Variants in ADK observed in about 807,000 individuals in gnomAD.
ADK encodes adenosine kinase, also known as N6,N6-dimethyladenosine kinase.
In ADK, 24 loss-of-function variants were observed where a neutral mutation model predicts 44.7. That is an observed-to-expected ratio of 0.54 (90% CI 0.39 to 0.76). The LOEUF (loss-of-function observed/expected upper bound fraction) is 0.76. Among genes scored for constraint, ADK ranks in the 30% least tolerant of loss-of-function variants. The pLI is 0.00. For synonymous variants in ADK, 128 were observed against 142.6 expected (o/e 0.90, Z 0.73); for missense variants, 321 against 425.1 (o/e 0.76, Z 2.15).
chr10:74,370,222 T>G (rs1214648857), intron 4 of ADK, among the ~76,000 whole-genome samples: 1 of 152,196 alleles, frequency 6.6e-6, no homozygotes, highest in Admixed American at 6.5e-5. Flanking sequence ...ACTTAAACAA[T>G]TGTACACCTT....
chr10:74,368,964 A>G (rs1454892610), intron 4 of ADK, among the ~76,000 whole-genome samples: 1 of 152,190 alleles, frequency 6.6e-6, no homozygotes, highest in Non-Finnish European at 1.5e-5. Context: ...ATCATACAGT[A>G]TATTGGGCTA....
chr10:74,294,994 T>A (rs1374619928), intron 3 of ADK, among the ~76,000 whole-genome samples: 1 of 152,060 alleles, frequency 6.6e-6, no homozygotes, highest in African/African-American at 2.4e-5. Context: ...CAGCTAGGAC[T>A]ACAGGCGTAT....
At chr10:74,701,206 G>T (rs1469825034) in intron 10 of ADK, among the ~76,000 whole-genome samples, 1 of 152,198 alleles carries the variant, frequency 6.6e-6, no homozygotes, top group Non-Finnish European at 1.5e-5. Context: ...GATGAGGAAA[G>T]GCAAGAAAGA....
At chr10:74,437,301 A>T (rs1845209100) in intron 6 of ADK, among the ~76,000 whole-genome samples, 1 of 152,158 alleles carries the variant, frequency 6.6e-6, no homozygotes, top group South Asian at 2.1e-4. Context: ...GGCCAAAAGT[A>T]CCATCCAAAA....
Position 74,589,263 on chromosome 10 carries a change from T to C in ADK, c.727-19T>C. 2 of 458,226 alleles carry C rather than the reference T, an allele frequency of 4.4e-6. No individual in the cohort carries two copies. The highest frequency in any genetic ancestry group is 4.6e-5 in the South Asian group (1 of 21,568). The allele number at this position is 458,226 out of a possible 1,614,324, so 28.4% of individuals were successfully genotyped here. A position where few individuals can be genotyped will look rare whatever the true frequency, so the allele number is the denominator to read the frequency against. On this transcript the variant is annotated intron_variant, in intron 7 of 10. Coordinates refer to ENST00000539909, the MANE Select transcript of ADK (RefSeq NM_006721.4). ...CCGAGCACTTTATAATTAACTGTTCTTTTTTTTTTTTATTTCAGGAAGCTG... is the reference window on the plus strand; with the variant it reads ...CCGAGCACTTTATAATTAACTGTTCCTTTTTTTTTTTATTTCAGGAAGCTG...
In ADK at chr10:74,585,961, T is replaced by C. The variant is rs193227790; in HGVS notation, c.727-3321T>C. On this transcript the variant is annotated intron_variant, in intron 7 of 10. Coordinates refer to ENST00000539909, the MANE Select transcript of ADK (RefSeq NM_006721.4). ...TGATATTTGGAACCTGTCTTGCTCT[T>C]CTGCCCACCAACTATGCCTATTCTT... Among the ~76,000 whole-genome samples the C allele has an allele frequency of 1.5e-3, 234 of 152,348 alleles. 1 individual carries two copies. Among genetic ancestry groups the C allele is most frequent in the African/African-American group, 5.1e-3 (211 of 41,594 alleles).
intron 6 of ADK, among the ~76,000 whole-genome samples, chr10:74,508,072 T>C (rs73272297): frequency 0.03 from 4,529 of 152,244 alleles, 196 homozygotes; most frequent in African/African-American, 0.091. Flanking sequence ...TATGAAGTAA[T>C]GTAGATTACA....
At chr10:74,604,950 G>A (rs966602968) in intron 9 of ADK, among the ~76,000 whole-genome samples, 1 of 152,062 alleles carries the variant, frequency 6.6e-6, no homozygotes, top group African/African-American at 2.4e-5. Flanking sequence ...TCTTGAAGAG[G>A]TCCTTCACAT....
intron 7 of ADK, among the ~76,000 whole-genome samples, chr10:74,585,602 G>A (rs541997880): frequency 3.3e-5 from 5 of 152,224 alleles, no homozygotes; most frequent in South Asian, 2.1e-4. Flanking sequence ...CCTCTGTGTC[G>A]GTTGTTTATT....
At chr10:74,496,900 G>A (rs749413847) in intron 6 of ADK, among the ~76,000 whole-genome samples, 3 of 152,046 alleles carry the variant, frequency 2.0e-5, no homozygotes, top group African/African-American at 4.8e-5. Flanking sequence ...GTTTTGGTTG[G>A]TATCATTTAA....
chr10:74,610,665 T>C (rs2133992878), intron 9 of ADK, among the ~76,000 whole-genome samples: 1 of 152,260 alleles, frequency 6.6e-6, no homozygotes. Context: ...AAGATGACTG[T>C]CCATTTTGAT....
intron 7 of ADK, 64 bp downstream of exon 7, chr10:74,525,490 G>A: frequency 1.5e-6 from 2 of 1,356,990 alleles, no homozygotes; most frequent in Non-Finnish European, 2.1e-6. Context: ...TCTGATGTGT[G>A]TATATATGTT....
At position 74,412,559 on chromosome 10, in the gene ADK, C is replaced by G. The variant is rs73288082; in HGVS notation, c.555+13980C>G. Among the ~76,000 whole-genome samples the G allele has an allele frequency of 8.0e-3, 1,225 of 152,268 alleles. 20 individuals carry two copies. The highest frequency in any genetic ancestry group is 0.028 in the African/African-American group (1,151 of 41,530). On this transcript the variant is annotated intron_variant, in intron 6 of 10. Transcript: ENST00000539909. ...AGCTATAGCCTTATGAAATATATTA[C>G]TTAAATAAGATTTGAAAGTCAAAAT...
chr10:74,416,965 C>T (rs942384602), intron 6 of ADK, among the ~76,000 whole-genome samples: 1 of 151,832 alleles, frequency 6.6e-6, no homozygotes, highest in Non-Finnish European at 1.5e-5. Context: ...TGTAAGTTTA[C>T]CTTTTTTAAT....
At chr10:74,450,953 A>G (rs1455701571) in intron 6 of ADK, among the ~76,000 whole-genome samples, 1 of 151,870 alleles carries the variant, frequency 6.6e-6, no homozygotes, top group Non-Finnish European at 1.5e-5. Context: ...GTTTCCTGCT[A>G]TCTTTCCATT....
intron 7 of ADK, among the ~76,000 whole-genome samples, chr10:74,562,621 A>C (rs1256141339): frequency 6.6e-6 from 1 of 152,236 alleles, no homozygotes; most frequent in East Asian, 1.9e-4. Context: ...AAGAACAGAG[A>C]AAATCAAGTC....
intron 6 of ADK, among the ~76,000 whole-genome samples, chr10:74,486,526 G>T (rs1847272918): frequency 6.6e-6 from 1 of 152,104 alleles, no homozygotes; most frequent in Non-Finnish European, 1.5e-5. Context: ...CATTTTGATT[G>T]TTCCTTTCAT....
chr10:74,535,181 C>T (rs1263382622), intron 7 of ADK, among the ~76,000 whole-genome samples: 1 of 152,102 alleles, frequency 6.6e-6, no homozygotes, highest in Non-Finnish European at 1.5e-5. Context: ...TGAAACTAGG[C>T]CAGGAACCAT....
At chr10:74,552,625 G>C (rs1357658540) in intron 7 of ADK, among the ~76,000 whole-genome samples, 9 of 149,252 alleles carry the variant, frequency 6.0e-5, no homozygotes, top group Admixed American at 2.0e-4. Context: ...TTTTTTTTAA[G>C]GATACCATTA....
Sources: gnomAD v4.1 joint callset for allele counts (sites outside exome capture counted in the v4.1 genomes callset) on GRCh38, gnomAD v4.1.1 for gene constraint, MANE v1.5 for transcripts, NCBI Gene and HGNC (gene_info 2026-07-23, HGNC 2026-07-21) for gene names.